CHSY3: variants seen among roughly 807,000 people sequenced by gnomAD.
The protein encoded by CHSY3 is N-acetylgalactosaminyl-proteoglycan 3-beta-glucuronosyltransferase 3.
CHSY3 carries 35 observed loss-of-function variants against 67.2 expected under a neutral mutation model. The observed-to-expected ratio is 0.52, with a 90% CI of 0.40 to 0.69. The LOEUF (loss-of-function observed/expected upper bound fraction) is 0.69. CHSY3 is among the 30% of genes least tolerant of loss of function. The pLI, the probability that CHSY3 is intolerant of heterozygous loss-of-function variation, is 0.00. For synonymous variants in CHSY3, 474 were observed against 434.7 expected (o/e 1.09, Z -1.12); for missense variants, 1,069 against 1,138.5 (o/e 0.94, Z 0.88).
At chr5:129,957,040 A>G (rs1762197376) in intron 2 of CHSY3, among the ~76,000 whole-genome samples, 1 of 152,112 alleles carries the variant, frequency 6.6e-6, no homozygotes, top group South Asian at 2.1e-4. Flanking sequence ...CATTGAACCT[A>G]TAAATTGTTT....
intron 2 of CHSY3, among the ~76,000 whole-genome samples, chr5:130,133,796 G>GAAAAAAAA (rs375900326): frequency 1.7e-4 from 17 of 97,918 alleles, no homozygotes; most frequent in African/African-American, 5.6e-4. Context: ...AAAAAAAAAA[G>GAAAAAAAA]AAAAAAAAAA....
At chr5:130,150,136 A>G (rs779577207) in intron 2 of CHSY3, among the ~76,000 whole-genome samples, 19 of 152,202 alleles carry the variant, frequency 1.2e-4, no homozygotes, top group Non-Finnish European at 2.8e-4. Context: ...ATGAAAAATT[A>G]TTAGAAAGTT....
intron 2 of CHSY3, among the ~76,000 whole-genome samples, chr5:130,025,635 AG>A (rs1346175506): frequency 6.6e-6 from 1 of 152,120 alleles, no homozygotes; most frequent in Non-Finnish European, 1.5e-5. Flanking sequence ...AGGCACCAGT[AG>A]ATTTGGTGTC....
At chr5:130,010,022 C>A (rs1764005260) in intron 2 of CHSY3, among the ~76,000 whole-genome samples, 1 of 152,122 alleles carries the variant, frequency 6.6e-6, no homozygotes, top group Non-Finnish European at 1.5e-5. Flanking sequence ...ACTTCTATAA[C>A]CACACAATAA....
chr5:129,977,627 T>C (rs1006009112), intron 2 of CHSY3, among the ~76,000 whole-genome samples: 4 of 152,142 alleles, frequency 2.6e-5, no homozygotes, highest in Admixed American at 2.0e-4. Context: ...AGGTATCCCA[T>C]TTCAGTGGTA....
intron 2 of CHSY3, among the ~76,000 whole-genome samples, chr5:129,973,621 G>T (rs1320523388): frequency 6.6e-6 from 1 of 151,974 alleles, no homozygotes; most frequent in Non-Finnish European, 1.5e-5. Context: ...AGTCTATATT[G>T]TCATTTTGTG....
upstream of CHSY3, among the ~76,000 whole-genome samples, chr5:129,904,271 C>G (rs1760136062): frequency 6.7e-6 from 1 of 148,226 alleles, no homozygotes; most frequent in East Asian, 2.0e-4. Context: ...CGGCTCTGGA[C>G]TGAGGCGCGG....
intron 2 of CHSY3, among the ~76,000 whole-genome samples, chr5:130,106,863 C>G (rs1767426467): frequency 6.6e-6 from 1 of 151,488 alleles, no homozygotes; most frequent in Non-Finnish European, 1.5e-5. Context: ...AAGAAACAAT[C>G]CAGGAATGCT....
chr5:129,930,508 C>CGGGGG (rs34781346), intron 2 of CHSY3, among the ~76,000 whole-genome samples: 1 of 105,266 alleles, frequency 9.5e-6, no homozygotes, highest in Non-Finnish European at 1.8e-5. Flanking sequence ...GCATCACTGG[C>CGGGGG]GGGGGGGGGG....
intron 2 of CHSY3, among the ~76,000 whole-genome samples, chr5:129,922,556 T>A (rs1369590223): frequency 6.6e-6 from 1 of 152,254 alleles, no homozygotes; most frequent in Non-Finnish European, 1.5e-5. Flanking sequence ...AGCTCATTGT[T>A]GTTTTAATTT....
intron 2 of CHSY3, among the ~76,000 whole-genome samples, chr5:130,146,073 A>G (rs1194667576): frequency 6.6e-6 from 1 of 152,180 alleles, no homozygotes; most frequent in Admixed American, 6.6e-5. Flanking sequence ...TAGAACTATC[A>G]TATGACCCAG....
At position 130,073,507 on chromosome 5, in the gene CHSY3, T is replaced by A. The variant is rs368874759; in HGVS notation, c.1087-110722T>A. 4.9e-4 allele frequency among the ~76,000 whole-genome samples: 74 copies of A among 151,928 alleles called. 1 individual carries two copies. In the South Asian group the frequency reaches 0.015, roughly 31 times the overall value. ...TTCACCATGTTGGCCAGGCTGGTCT[T>A]GAACACCCGCCCCAGCTGGATCAAA... On this transcript the variant is annotated intron_variant, in intron 2 of 2. Transcript: ENST00000305031.
At chr5:129,955,300 CG>C (rs1247945998) in intron 2 of CHSY3, among the ~76,000 whole-genome samples, 1 of 151,924 alleles carries the variant, frequency 6.6e-6, no homozygotes, top group East Asian at 1.9e-4. Context: ...TGCCTTCTAC[CG>C]TCTTGCCCAA....
rs572099204 is a variant in CHSY3 at position 130,057,171 on chromosome 5, A to C, written c.1087-127058A>C. Among the ~76,000 whole-genome samples, 167 of 151,510 alleles carry C rather than the reference A, an allele frequency of 1.1e-3. No homozygotes were observed. In the Middle Eastern group the frequency reaches 0.014, roughly 12 times the overall value. On this transcript the variant is annotated intron_variant, in intron 2 of 2. Transcript: ENST00000305031. Reference sequence around the variant, plus strand: ...GATCTCCTGACCTTGTGATCCACCCACCTCAGCCTCCCAAAGTGCTGGGAT... The same window carrying C: ...GATCTCCTGACCTTGTGATCCACCCCCCTCAGCCTCCCAAAGTGCTGGGAT...
At chr5:130,001,945 AAT>A in intron 2 of CHSY3, 1 of 842,180 alleles carries the variant, frequency 1.2e-6, no homozygotes, top group Non-Finnish European at 1.4e-6. Context: ...GATGTTAATT[AAT>A]ATGTCAGCCA....
intron 2 of CHSY3, among the ~76,000 whole-genome samples, chr5:130,165,040 T>C (rs1366047376): frequency 6.6e-6 from 1 of 152,114 alleles, no homozygotes; most frequent in African/African-American, 2.4e-5. Flanking sequence ...CAGAGAAAGC[T>C]GGAGAGGAAT....
chr5:130,015,198 A>G (rs1256809641), intron 2 of CHSY3, among the ~76,000 whole-genome samples: 2 of 152,112 alleles, frequency 1.3e-5, no homozygotes, highest in Non-Finnish European at 2.9e-5. Flanking sequence ...CTGCTGTCAT[A>G]TAAAGATATG....
intron 2 of CHSY3, among the ~76,000 whole-genome samples, chr5:130,172,126 C>A (rs1769909836): frequency 6.6e-6 from 1 of 151,886 alleles, no homozygotes; most frequent in Non-Finnish European, 1.5e-5. Flanking sequence ...CAAAGGCAAC[C>A]ATTTTTTTTT....
chr5:130,079,979 C>T (rs1287385618), intron 2 of CHSY3, among the ~76,000 whole-genome samples: 1 of 151,086 alleles, frequency 6.6e-6, no homozygotes, highest in East Asian at 2.0e-4. Context: ...TTCTGCAAAG[C>T]TCATAGCTAT....
Sources: gnomAD v4.1 joint callset for allele counts (sites outside exome capture counted in the v4.1 genomes callset) on GRCh38, gnomAD v4.1.1 for gene constraint, MANE v1.5 for transcripts, NCBI Gene and HGNC (gene_info 2026-07-23, HGNC 2026-07-21) for gene names.